Variants in PI4KB observed in about 807,000 individuals in gnomAD.
PI4KB encodes phosphatidylinositol 4-kinase beta, also known as PtdIns 4-kinase beta.
In PI4KB, 23 loss-of-function variants were observed where a neutral mutation model predicts 81.4. That is an observed-to-expected ratio of 0.28 (90% CI 0.20 to 0.40). PI4KB has a LOEUF of 0.40. Among genes scored for constraint, PI4KB ranks in the 10% least tolerant of loss-of-function variants. The pLI is 1.00. For synonymous variants in PI4KB, 381 were observed against 406.8 expected (o/e 0.94, Z 0.76); for missense variants, 651 against 1,036.6 (o/e 0.63, Z 5.11).
At chr1:151,302,406 G>A in intron 6 of PI4KB, 108 bp from the exon 7 acceptor site, 1 of 755,326 alleles carries the variant, frequency 1.3e-6, no homozygotes, top group Non-Finnish European at 2.3e-6. Flanking sequence ...GACACACAAA[G>A]ATAGGAACCC....
intron 9 of PI4KB, among the ~76,000 whole-genome samples, chr1:151,296,470 ATTTC>A (rs1341389943): frequency 6.7e-6 from 1 of 149,712 alleles, no homozygotes; most frequent in African/African-American, 2.5e-5. Flanking sequence ...TAGATGCTAG[ATTTC>A]TTTTTTTTTT....
intron 9 of PI4KB, among the ~76,000 whole-genome samples, chr1:151,294,764 A>T (rs892344705): frequency 6.6e-6 from 1 of 152,188 alleles, no homozygotes; most frequent in Admixed American, 6.5e-5. Context: ...TGGGGTCTGA[A>T]ATTGCTATTA....
At chr1:151,303,234 C>G in intron 6 of PI4KB, 1 of 258,142 alleles carries the variant, frequency 3.9e-6, no homozygotes, top group South Asian at 4.9e-5. Context: ...CTCCTGACCT[C>G]GTGATCTGCC....
intron 5 of PI4KB, among the ~76,000 whole-genome samples, chr1:151,304,898 T>C (rs1035905458): frequency 6.6e-6 from 1 of 151,520 alleles, no homozygotes; most frequent in Admixed American, 6.6e-5. Context: ...GGCGTGATCT[T>C]GGTTCACTGC....
intron 2 of PI4KB, among the ~76,000 whole-genome samples, chr1:151,315,122 G>A (rs1167331487): frequency 6.6e-6 from 1 of 152,096 alleles, no homozygotes. Context: ...GGGATTACAC[G>A]CGCCCACCAC....
chr1:151,325,291 C>T (rs1305576471), intron 1 of PI4KB, among the ~76,000 whole-genome samples: 1 of 152,056 alleles, frequency 6.6e-6, no homozygotes, highest in East Asian at 1.9e-4. Flanking sequence ...CCGCGCCTGG[C>T]AGGAAAGCTT....
intron 5 of PI4KB, among the ~76,000 whole-genome samples, chr1:151,304,420 T>C (rs373945072): frequency 1.3e-4 from 20 of 150,286 alleles, no homozygotes; most frequent in African/African-American, 4.9e-4. Flanking sequence ...CTCGGCTCAC[T>C]GCGACCTCCG....
intron 6 of PI4KB, chr1:151,303,226 C>T (rs1466734176): frequency 4.0e-6 from 1 of 250,218 alleles, no homozygotes; most frequent in Non-Finnish European, 8.2e-6. Flanking sequence ...GTCTCGATCT[C>T]CTGACCTCGT....
At position 151,291,831 on chromosome 1, in the gene PI4KB, A is replaced by G. The variant is rs926075140; in HGVS notation, c.*1021T>C. 2 of 152,494 alleles carry G rather than the reference A, an allele frequency of 1.3e-5. No individual in the cohort carries two copies. The highest frequency in any genetic ancestry group is 2.9e-5 in the Non-Finnish European group (2 of 68,056). The allele number at this position is 152,494 out of a possible 1,614,324, so 9.4% of individuals were successfully genotyped here. A position where few individuals can be genotyped will look rare whatever the true frequency, so the allele number is the denominator to read the frequency against. ...TCAGGAATCCTTTATTCTTGTAGTA[A>G]TAATAATACTAACAAACAGTTGGGG... On this transcript the variant is annotated 3_prime_UTR_variant, in exon 12 of 12. Transcript: ENST00000368873.
intron 9 of PI4KB, chr1:151,298,605 A>C: frequency 1.6e-6 from 1 of 643,172 alleles, no homozygotes; most frequent in Non-Finnish European, 2.7e-6. Context: ...TAAATCCTTC[A>C]TTTCTTTGCC....
At chr1:151,320,459 T>C (rs1371533827) in intron 1 of PI4KB, among the ~76,000 whole-genome samples, 2 of 152,170 alleles carry the variant, frequency 1.3e-5, no homozygotes, top group African/African-American at 4.8e-5. Context: ...AAAAAGGCTA[T>C]TTCTGTTTCT....
At chr1:151,310,386 A>C in intron 2 of PI4KB, 131 bp from the exon 3 acceptor site, 2 of 646,216 alleles carry the variant, frequency 3.1e-6, no homozygotes, top group Non-Finnish European at 2.8e-6. Context: ...TTCTGCTTTA[A>C]TAAAAGAAAG....
At chr1:151,320,747 A>T (rs1648735086) in intron 1 of PI4KB, among the ~76,000 whole-genome samples, 1 of 152,362 alleles carries the variant, frequency 6.6e-6, no homozygotes, top group Admixed American at 6.5e-5. Context: ...AACGGGGACC[A>T]CTACCTTTTA....
rs1308192322 is a variant in PI4KB, at chr1:151,301,928, A to G, written c.1665T>C (p.Asn555=). The part of the protein sequence containing the change: ...REGSPYGHLP[N]WRLLSVIVKC... Reference sequence around the variant, plus strand: ...TGACAATGACTGACAGGAGCCGCCAATTGGGGAGATGGCCGTAGGGGGAGC... The same window carrying G: ...TGACAATGACTGACAGGAGCCGCCAGTTGGGGAGATGGCCGTAGGGGGAGC... Residue 555 remains asparagine, a synonymous_variant, in exon 8 of 12, where the codon AAT becomes AAC. Coordinates refer to ENST00000368873, the MANE Select transcript of PI4KB (RefSeq NM_001369623.2). 5 of 1,613,886 alleles carry G rather than the reference A, an allele frequency of 3.1e-6. No homozygotes were observed. In the African/African-American group the frequency reaches 4.0e-5, roughly 13 times the overall value.
At position 151,302,218 on chromosome 1, in the gene PI4KB, T is replaced by C. The variant is rs775637962; in HGVS notation, c.1601A>G (p.Lys534Arg). The C allele has an allele frequency of 2.5e-6, 4 of 1,613,946 alleles. No individual in the cohort carries two copies. Among genetic ancestry groups the C allele is most frequent in the Non-Finnish European group, 8.5e-7 (1 of 1,179,902 alleles). Residue 534 changes from lysine to arginine, a missense_variant, in exon 7 of 12, where the codon AAA (lysine) becomes AGA (arginine). Lys to Arg is a conservative substitution (Grantham distance 26). This residue lies in a region of PI4KB where 246 missense variants were observed against 430.1 expected (regional missense o/e 0.57). Coordinates refer to ENST00000368873, the MANE Select transcript of PI4KB (RefSeq NM_001369623.2). ...CCGTACTTTCTCCTGCCAGGGCTCT[T>C]TGAGAGCAACTGCAGAAGGATCTTC... ...DPEDPSAVAL[K>R]EPWQEKVRRI...
chr1:151,324,284 T>G (rs1382039198), intron 1 of PI4KB, among the ~76,000 whole-genome samples: 2 of 152,146 alleles, frequency 1.3e-5, no homozygotes, highest in South Asian at 2.1e-4. Context: ...TAAAGAGAGG[T>G]TGCTCCTCAA....
Position 151,316,049 on chromosome 1 carries a change from T to C in PI4KB, c.433A>G (p.Ile145Val), listed in dbSNP as rs1468493229. Residue 145 changes from isoleucine to valine, a missense_variant, in exon 2 of 12, where the codon ATT becomes GTT. Physicochemically the swap from Ile to Val is conservative, Grantham distance 29. Coordinates refer to ENST00000368873, the MANE Select transcript of PI4KB (RefSeq NM_001369623.2). The part of the protein sequence containing the change: ...ESKLFDISMA[I>V]SYLYNSKEPG... ...TCCTTGGAGTTATACAGGTATGAAATGGCCATGGAGATGTCAAACAGTTTT... is the reference window on the plus strand; with the variant it reads ...TCCTTGGAGTTATACAGGTATGAAACGGCCATGGAGATGTCAAACAGTTTT... 6.2e-7 allele frequency: 1 copy of C among 1,614,192 alleles called. No homozygotes were observed. The highest frequency in any genetic ancestry group is 8.5e-7 in the Non-Finnish European group (1 of 1,180,034).
intron 8 of PI4KB, among the ~76,000 whole-genome samples, chr1:151,300,221 T>C (rs1358082146): frequency 6.6e-6 from 1 of 152,270 alleles, no homozygotes; most frequent in Non-Finnish European, 1.5e-5. Context: ...TGGTCTTCCA[T>C]GTGCCTTAGC....
intron 1 of PI4KB, among the ~76,000 whole-genome samples, chr1:151,324,246 C>T (rs955317721): frequency 6.6e-6 from 1 of 152,200 alleles, no homozygotes; most frequent in Admixed American, 6.5e-5. Flanking sequence ...CGGGCATGAG[C>T]CACGGTGCCC....
Sources: gnomAD v4.1 joint callset for allele counts (sites outside exome capture counted in the v4.1 genomes callset) on GRCh38, gnomAD v4.1.1 for gene constraint, gnomAD v4.1.1 regional missense constraint, MANE v1.5 for transcripts, NCBI Gene and HGNC (gene_info 2026-07-23, HGNC 2026-07-21) for gene names.